Variants in TMEM181 observed in about 807,000 individuals in gnomAD.
TMEM181 encodes the protein G protein-coupled receptor 178.
A neutral mutation model predicts 71.9 loss-of-function variants in TMEM181; 39 were observed. The observed-to-expected ratio is 0.54, with a 90% confidence interval of 0.42 to 0.71. The LOEUF (loss-of-function observed/expected upper bound fraction) is 0.71. TMEM181 is among the 30% of genes least tolerant of loss of function. The pLI is 0.00. For missense variants in TMEM181, 595 were observed against 583.0 expected, an observed-to-expected ratio of 1.02 and a Z score of -0.21; for synonymous variants, 245 against 228.8, an observed-to-expected ratio of 1.07 and a Z score of -0.64.
intron 2 of TMEM181, among the ~76,000 whole-genome samples, chr6:158,580,484 A>G (rs948198070): frequency 2.0e-5 from 3 of 152,232 alleles, no homozygotes; most frequent in African/African-American, 7.2e-5. Context: ...TTATATTAGC[A>G]TATATTATGT....
upstream of TMEM181, among the ~76,000 whole-genome samples, chr6:158,556,374 G>A (rs910252192): frequency 5.3e-5 from 8 of 152,156 alleles, no homozygotes; most frequent in South Asian, 2.1e-4. Context: ...ACACATTTGC[G>A]TCAACCTAAA....
At chr6:158,568,305 G>C (rs1191390917) in intron 1 of TMEM181, among the ~76,000 whole-genome samples, 9 of 152,072 alleles carry the variant, frequency 5.9e-5, no homozygotes, top group Non-Finnish European at 1.2e-4. Flanking sequence ...AGGGCTTCTA[G>C]GTGAAAACGT....
At position 158,632,314 on chromosome 6, in the gene TMEM181, AC is replaced by A. The variant is rs1786709416; in HGVS notation, c.*429del. 5.3e-6 allele frequency: 1 copy of A among 190,224 alleles called. No homozygotes were observed. The highest frequency in any genetic ancestry group is 1.1e-5 in the Non-Finnish European group (1 of 89,394). The allele number at this position is 190,224 out of a possible 1,614,324, so 11.8% of individuals were successfully genotyped here. On this transcript the variant is annotated 3_prime_UTR_variant, in exon 17 of 17. Transcript: ENST00000684151. ...CCCTTTTCCATGGTACTGTTTTGTG[AC>A]CCTTTAAACTCAAAGGGAAGCCTTA... is the stretch of plus-strand genomic sequence containing the variant.
At chr6:158,577,554 C>T (rs1391319284) in intron 2 of TMEM181, among the ~76,000 whole-genome samples, 2 of 152,162 alleles carry the variant, frequency 1.3e-5, no homozygotes, top group African/African-American at 4.8e-5. Context: ...TGACTGAAAA[C>T]TTCCCATATT....
At chr6:158,593,237 A>G (rs1784206833) in intron 6 of TMEM181, among the ~76,000 whole-genome samples, 1 of 152,242 alleles carries the variant, frequency 6.6e-6, no homozygotes, top group African/African-American at 2.4e-5. Context: ...TAGCTACTAA[A>G]ATAATAAGTT....
At chr6:158,618,591 T>TGGTC (rs1785762017) in intron 10 of TMEM181, among the ~76,000 whole-genome samples, 1 of 152,236 alleles carries the variant, frequency 6.6e-6, no homozygotes, top group African/African-American at 2.4e-5. Flanking sequence ...CTAGCATTGA[T>TGGTC]GGTCTTTACA....
At chr6:158,587,312 G>A (rs757376922) in intron 5 of TMEM181, among the ~76,000 whole-genome samples, 9 of 152,128 alleles carry the variant, frequency 5.9e-5, no homozygotes, top group Non-Finnish European at 1.0e-4. Context: ...GCCCTTCAGC[G>A]CATCTTCATG....
At chr6:158,614,531 C>T (rs1179288077) in intron 10 of TMEM181, among the ~76,000 whole-genome samples, 1 of 152,106 alleles carries the variant, frequency 6.6e-6, no homozygotes, top group Non-Finnish European at 1.5e-5. Flanking sequence ...TACATGTGCA[C>T]AACGTGCAGG....
In TMEM181 at chr6:158,620,730, G is replaced by A. The variant is rs902990189; in HGVS notation, c.897-2820G>A. On this transcript the variant is annotated intron_variant, in intron 10 of 16. Transcript: ENST00000684151. The surrounding 1 kb of genome is among the most constrained non-coding windows in gnomAD (Gnocchi z 4.5). ...GGGGTGCATGGCCAGAGACTCTCAG[G>A]ATCCAGGAGTTAACTCAGGACAAGC... 1.3e-5 allele frequency among the ~76,000 whole-genome samples: 2 copies of A among 152,182 alleles called. No individual in the cohort carries two copies.
At chr6:158,628,767 C>T (rs549170353) in intron 14 of TMEM181, among the ~76,000 whole-genome samples, 21 of 152,328 alleles carry the variant, frequency 1.4e-4, no homozygotes, top group African/African-American at 4.1e-4. Flanking sequence ...GAGAGGCTGG[C>T]GCTCTGGAGC....
chr6:158,578,564 TGAAA>T (rs1272309784), intron 2 of TMEM181, among the ~76,000 whole-genome samples: 1 of 152,194 alleles, frequency 6.6e-6, no homozygotes, highest in Admixed American at 6.5e-5. Context: ...TGACAGCAGT[TGAAA>T]GAGGCGGGGA....
intron 1 of TMEM181, among the ~76,000 whole-genome samples, chr6:158,570,977 A>G (rs1251314028): frequency 6.7e-6 from 1 of 148,726 alleles, no homozygotes; most frequent in Non-Finnish European, 1.5e-5. Flanking sequence ...CAGTGGTGTG[A>G]TCTCGGCTCA....
At position 158,607,224 on chromosome 6, in the gene TMEM181, AG is replaced by A; in HGVS notation, c.574-18del. On this transcript the variant is annotated intron_variant, in intron 7 of 16. Transcript: ENST00000684151. ...AGGTGTGAGCAAAGGCAGTAACTGG[AG>A]GCCTGATTTGGTTTGCAGTGCCTGT... 6.2e-7 allele frequency: 1 copy of A among 1,605,130 alleles called. No individual in the cohort carries two copies.
At chr6:158,538,136 CT>C (rs1478376714) in intron 1 of TMEM181, among the ~76,000 whole-genome samples, 1 of 134,430 alleles carries the variant, frequency 7.4e-6, no homozygotes, top group Non-Finnish European at 1.5e-5. Flanking sequence ...CCCCCGCCCC[CT>C]ACTCTGTTTT....
chr6:158,536,665 G>A (rs751364950), exon 1 of TMEM181: 2 of 1,509,566 alleles, frequency 1.3e-6, no homozygotes, highest in East Asian at 2.7e-5. Context: ...AGTGCTGGGA[G>A]AAGAGAGGGG....
intron 13 of TMEM181, 106 bp downstream of exon 13, chr6:158,625,860 C>T: frequency 9.9e-7 from 1 of 1,014,336 alleles, no homozygotes; most frequent in Non-Finnish European, 1.5e-6. Context: ...TACTTCTAGC[C>T]CAGTAGACTC....
At chr6:158,552,467 G>A (rs1311055900) in intron 1 of TMEM181, among the ~76,000 whole-genome samples, 4 of 152,216 alleles carry the variant, frequency 2.6e-5, no homozygotes, top group Admixed American at 6.5e-5. Flanking sequence ...CTTAGAGAAC[G>A]TGAGAGCCTG....
chr6:158,539,333 A>G (rs1295626997), intron 1 of TMEM181, among the ~76,000 whole-genome samples: 2 of 152,192 alleles, frequency 1.3e-5, no homozygotes, highest in East Asian at 3.9e-4. Flanking sequence ...TTGAATTTTT[A>G]TATCAATGGA....
intron 1 of TMEM181, among the ~76,000 whole-genome samples, chr6:158,542,636 G>T (rs1172317002): frequency 6.6e-6 from 1 of 152,098 alleles, no homozygotes; most frequent in African/African-American, 2.4e-5. Flanking sequence ...GCAGAGTCTT[G>T]CTCTGTTGCC....
Sources: allele counts gnomAD v4.1 joint callset (sites outside exome capture counted in the v4.1 genomes callset), GRCh38; gene constraint gnomAD v4.1.1; non-coding constraint Gnocchi (gnomAD v3.1); transcripts MANE v1.5; gene names NCBI Gene and HGNC (gene_info 2026-07-23, HGNC 2026-07-21).